The following SPON1 variants were observed in gnomAD, a reference collection of about 807,000 sequenced individuals.
SPON1 encodes spondin 1.
SPON1 carries 52 observed loss-of-function variants against 111.7 expected under a neutral mutation model. The observed-to-expected ratio is 0.47, with a 90% confidence interval of 0.37 to 0.59. The LOEUF is 0.59. SPON1 is among the 20% of genes least tolerant of loss of function. SPON1 has a pLI of 0.00. For missense variants in SPON1, 957 were observed against 1,068.5 expected (o/e 0.90, Z 1.46); for synonymous variants, 410 against 395.8 (o/e 1.04, Z -0.43).
chr11:14,170,656 G>T (rs9705063), intron 6 of SPON1, among the ~76,000 whole-genome samples: 89,501 of 150,496 alleles, frequency 0.59, 26,810 homozygotes, highest in Admixed American at 0.66. Context: ...GCTTATTATT[G>T]TGAGGTACGT....
At chr11:14,073,999 G>A (rs565016810) in intron 3 of SPON1, among the ~76,000 whole-genome samples, 3 of 152,292 alleles carry the variant, frequency 2.0e-5, no homozygotes, top group African/African-American at 7.2e-5. Flanking sequence ...AGGTCCTGGA[G>A]GCACAGAGTG....
intron 8 of SPON1, among the ~76,000 whole-genome samples, 197 bp downstream of exon 8, chr11:14,254,926 G>A (rs879991018): frequency 3.9e-5 from 6 of 152,186 alleles, no homozygotes; most frequent in African/African-American, 7.2e-5. Context: ...AGGAGAGCAC[G>A]GAGAGGGAAC....
intron 5 of SPON1, among the ~76,000 whole-genome samples, chr11:14,107,590 GAAAAAAAAAAAA>G (rs3047369): frequency 5.9e-5 from 7 of 119,238 alleles, no homozygotes; most frequent in Non-Finnish European, 1.1e-4. Flanking sequence ...AGATCCTCAG[GAAAAAAAAAAAA>G]AAAAAAAAAT....
chr11:13,994,709 C>T (rs1848258270), intron 2 of SPON1, among the ~76,000 whole-genome samples: 1 of 152,136 alleles, frequency 6.6e-6, no homozygotes, highest in African/African-American at 2.4e-5. Context: ...GCACATGAAA[C>T]AAACAACAAT....
chr11:14,053,604 A>AAGT (rs1848723596), intron 3 of SPON1, among the ~76,000 whole-genome samples: 1 of 152,214 alleles, frequency 6.6e-6, no homozygotes, highest in East Asian at 1.9e-4. Context: ...AACAGTGAAA[A>AAGT]AGTATCATGG....
intron 6 of SPON1, among the ~76,000 whole-genome samples, chr11:14,241,514 CGGGGGTGA>C (rs1848926262): frequency 6.6e-6 from 1 of 152,052 alleles, no homozygotes; most frequent in African/African-American, 2.4e-5. Context: ...TGACTGGTGT[CGGGGGTGA>C]AGGGAGCTGC....
At chr11:14,223,848 T>A (rs1263390213) in intron 6 of SPON1, among the ~76,000 whole-genome samples, 1 of 152,210 alleles carries the variant, frequency 6.6e-6, no homozygotes, top group Non-Finnish European at 1.5e-5. Context: ...AAGAATTAAA[T>A]GTAACAAGAA....
intron 5 of SPON1, among the ~76,000 whole-genome samples, chr11:14,100,198 T>G (rs1849132863): frequency 1.3e-5 from 2 of 152,076 alleles, no homozygotes; most frequent in Non-Finnish European, 2.9e-5. Context: ...GCCTGTTTTC[T>G]TATTCTGCCT....
intron 6 of SPON1, among the ~76,000 whole-genome samples, chr11:14,189,718 A>G (rs1246052965): frequency 6.6e-6 from 1 of 152,202 alleles, no homozygotes; most frequent in Non-Finnish European, 1.5e-5. Context: ...AAACTTAAGG[A>G]AGAGGGAAAA....
At chr11:14,247,262 T>C (rs913885076) in intron 7 of SPON1, among the ~76,000 whole-genome samples, 1 of 152,122 alleles carries the variant, frequency 6.6e-6, no homozygotes, top group Non-Finnish European at 1.5e-5. Flanking sequence ...TTTTAAAAAC[T>C]AGCCAGGCGT....
intron 6 of SPON1, among the ~76,000 whole-genome samples, chr11:14,235,678 CAAAAAAAAAA>C (rs56925967): frequency 1.3e-3 from 95 of 71,392 alleles, no homozygotes; most frequent in Middle Eastern, 9.3e-3. Context: ...GACCCTGCCT[CAAAAAAAAAA>C]AAAAAAAAAA....
At chr11:14,256,811 T>G in intron 10 of SPON1, 119 bp downstream of exon 10, 1 of 734,390 alleles carries the variant, frequency 1.4e-6, no homozygotes. Flanking sequence ...TAATCATATC[T>G]CTGAGGATTT....
rs868971848 is a variant in SPON1, at chr11:14,259,618, G to T, written c.1748G>T (p.Arg583Leu). ...GGCATGGGCATGAAGAAGCGGCACCGCATGATCAAGATGAACCCCGCAGAT... is the reference window on the plus strand; with the variant it reads ...GGCATGGGCATGAAGAAGCGGCACCTCATGATCAAGATGAACCCCGCAGAT... ...TCGMGMKKRH[R>L]MIKMNPADGS... The change falls in exon 13 of 16, where the codon CGC (arginine) becomes CTC (leucine). Residue 583 changes from arginine to leucine, a missense_variant. Physicochemically the swap from Arg to Leu is moderately radical, Grantham distance 102. This residue lies in a region of SPON1 where 549 missense variants were observed against 606.2 expected (regional missense o/e 0.91). Coordinates refer to ENST00000576479, the MANE Select transcript of SPON1 (RefSeq NM_006108.4). This position sits in a 1 kb window ranked among gnomAD's most constrained non-coding sequence, Gnocchi z 5.0. 1.3e-6 allele frequency: 2 copies of T among 1,559,788 alleles called. No individual in the cohort carries two copies. Among genetic ancestry groups the T allele is most frequent in the East Asian group, 2.4e-5 (1 of 41,506 alleles).
intron 3 of SPON1, among the ~76,000 whole-genome samples, chr11:14,043,197 TA>T (rs1195499016): frequency 1.4e-4 from 21 of 152,286 alleles, no homozygotes; most frequent in African/African-American, 4.8e-4. Context: ...CTGCCATTAC[TA>T]GCATTTGGCA....
intron 5 of SPON1, among the ~76,000 whole-genome samples, chr11:14,116,189 G>A (rs895815754): frequency 6.6e-6 from 1 of 151,844 alleles, no homozygotes; most frequent in Non-Finnish European, 1.5e-5. Flanking sequence ...CCATTCTATG[G>A]CTTGCCTTTT....
At chr11:14,046,250 G>A (rs1368014289) in intron 3 of SPON1, among the ~76,000 whole-genome samples, 1 of 152,110 alleles carries the variant, frequency 6.6e-6, no homozygotes, top group Admixed American at 6.5e-5. Flanking sequence ...ACTAGCCTCA[G>A]GTACCCCAAC....
chr11:14,190,803 G>C (rs1338851676), intron 6 of SPON1, among the ~76,000 whole-genome samples: 6 of 151,802 alleles, frequency 4.0e-5, no homozygotes, highest in Non-Finnish European at 5.9e-5. Flanking sequence ...ACCGTGCCCA[G>C]CTGATTTTTG....
chr11:14,160,993 T>TTTTATA (rs1376686719), intron 6 of SPON1, among the ~76,000 whole-genome samples: 40 of 45,300 alleles, frequency 8.8e-4, no homozygotes, highest in African/African-American at 3.2e-3. Context: ...TTATATATAT[T>TTTTATA]TTTATATATT....
chr11:14,251,641 T>C (rs1554940663), intron 7 of SPON1, among the ~76,000 whole-genome samples: 2 of 152,318 alleles, frequency 1.3e-5, no homozygotes, highest in East Asian at 1.9e-4. Flanking sequence ...AGGCAATAGA[T>C]GGAGCGGTCA....
Sources: allele counts gnomAD v4.1 joint callset (sites outside exome capture counted in the v4.1 genomes callset), GRCh38; gene constraint gnomAD v4.1.1; regional missense constraint gnomAD v4.1.1; non-coding constraint Gnocchi (gnomAD v3.1); transcripts MANE v1.5; gene names NCBI Gene and HGNC (gene_info 2026-07-23, HGNC 2026-07-21).